Variants in EIF3E observed in about 807,000 individuals in gnomAD.
EIF3E encodes eukaryotic translation initiation factor 3 subunit E.
A neutral mutation model predicts 59.3 loss-of-function variants in EIF3E; 25 were observed. That is an observed-to-expected ratio of 0.42 (90% CI 0.31 to 0.59). EIF3E has a LOEUF of 0.59. Ranked by LOEUF, EIF3E falls within the 20% of genes least tolerant of loss-of-function variation. The probability of loss-of-function intolerance (pLI) is 0.15; values close to 1 mark genes in which losing one functional copy is unlikely to be tolerated. For missense variants in EIF3E, 317 were observed against 534.3 expected, an observed-to-expected ratio of 0.59 and a Z score of 4.01; for synonymous variants, 176 against 170.2, an observed-to-expected ratio of 1.03 and a Z score of -0.26.
intron 3 of EIF3E, among the ~76,000 whole-genome samples, chr8:108,239,723 A>G (rs932707983): frequency 6.6e-6 from 1 of 152,214 alleles, no homozygotes; most frequent in African/African-American, 2.4e-5. Flanking sequence ...CTGTAGTATA[A>G]TCAGTATAGA....
intron 7 of EIF3E, among the ~76,000 whole-genome samples, chr8:108,225,795 A>C (rs557156028): frequency 1.3e-5 from 2 of 151,552 alleles, no homozygotes; most frequent in Non-Finnish European, 2.9e-5. Flanking sequence ...GAAAGCAGGC[A>C]TGAAAACCCA....
At chr8:108,210,407 G>A (rs1456052802) in intron 10 of EIF3E, among the ~76,000 whole-genome samples, 2 of 152,110 alleles carry the variant, frequency 1.3e-5, no homozygotes, top group South Asian at 2.1e-4. Flanking sequence ...TTCTCCAGAT[G>A]ATTTCAATGT....
intron 1 of EIF3E, among the ~76,000 whole-genome samples, chr8:108,247,517 G>A (rs1054727901): frequency 2.6e-5 from 4 of 152,180 alleles, no homozygotes; most frequent in African/African-American, 9.6e-5. Flanking sequence ...GTTACCTAAC[G>A]TCAACAACTT....
chr8:108,231,291 A>C (rs1815616948), intron 5 of EIF3E, among the ~76,000 whole-genome samples: 1 of 152,136 alleles, frequency 6.6e-6, no homozygotes, highest in African/African-American at 2.4e-5. Context: ...TAAAACCAAA[A>C]ACCCAGTAAA....
At chr8:108,227,569 T>C (rs895998915) in intron 7 of EIF3E, 1 of 152,072 alleles carries the variant, frequency 6.6e-6, no homozygotes, top group African/African-American at 2.4e-5. Context: ...AAAAAGGCAA[T>C]CAAAATACTA....
At chr8:108,205,663 T>C (rs1815086690) in intron 10 of EIF3E, among the ~76,000 whole-genome samples, 1 of 152,202 alleles carries the variant, frequency 6.6e-6, no homozygotes, top group African/African-American at 2.4e-5. Flanking sequence ...CACCTAGGAC[T>C]TGAATCATCC....
intron 7 of EIF3E, among the ~76,000 whole-genome samples, chr8:108,225,780 T>C (rs1815505125): frequency 6.6e-6 from 1 of 151,498 alleles, no homozygotes; most frequent in Non-Finnish European, 1.5e-5. Flanking sequence ...CACAACAGAC[T>C]GCAAGAAAGC....
rs1815575129 is a variant in EIF3E at position 108,229,162 on chromosome 8, G to A, written c.505C>T (p.Leu169Phe). The A allele has an allele frequency of 1.9e-6, 3 of 1,613,502 alleles. No homozygotes were observed. Among genetic ancestry groups the A allele is most frequent in the East Asian group, 2.2e-5 (1 of 44,828 alleles). Residue 169 changes from leucine to phenylalanine, a missense_variant, in exon 6 of 13, where the codon CTC becomes TTC. This residue lies in a region of EIF3E where 242 missense variants were observed against 398.0 expected (regional missense o/e 0.61). Transcript: ENST00000220849. ...PATDRNALSS[L>F]WGKLASEILM... ...ATTTCAGAGGCCAGCTTTCCCCAGA[G>A]TGAACTTAAAGCATTTCTATCTGTT...
chr8:108,245,704 C>G (rs772504230), intron 1 of EIF3E, among the ~76,000 whole-genome samples: 2 of 152,136 alleles, frequency 1.3e-5, no homozygotes, highest in African/African-American at 2.4e-5. Flanking sequence ...ACTATCTGGC[C>G]TTCTGCTTCA....
intron 11 of EIF3E, 140 bp downstream of exon 11, chr8:108,203,261 G>A (rs1815029923): frequency 7.9e-7 from 1 of 1,269,420 alleles, no homozygotes; most frequent in Non-Finnish European, 1.1e-6. Flanking sequence ...AAAAATAGGA[G>A]GCTTCTGTTG....
intron 2 of EIF3E, among the ~76,000 whole-genome samples, chr8:108,240,302 C>T (rs1815810524): frequency 6.6e-6 from 1 of 152,166 alleles, no homozygotes; most frequent in Non-Finnish European, 1.5e-5. Context: ...CCTCTTCCTA[C>T]TCTTGAGGGA....
At position 108,234,988 on chromosome 8, in the gene EIF3E, T is replaced by A; in HGVS notation, c.471+10A>T. ...AAAAAAAAAAAAAAAAAACATGTAC[T>A]TATACTTACCAGCACTCTAAAAAAA... On this transcript the variant is annotated intron_variant, in intron 5 of 12. Coordinates refer to ENST00000220849, the MANE Select transcript of EIF3E (RefSeq NM_001568.3). 1 of 1,414,584 alleles carries A rather than the reference T, an allele frequency of 7.1e-7. No individual in the cohort carries two copies. The highest frequency in any genetic ancestry group is 9.8e-7 in the Non-Finnish European group (1 of 1,024,866). The allele number at this position is 1,414,584 out of a possible 1,614,324, so 87.6% of individuals were successfully genotyped here.
chr8:108,208,956 G>A (rs1224778374), intron 10 of EIF3E, among the ~76,000 whole-genome samples: 1 of 152,012 alleles, frequency 6.6e-6, no homozygotes, highest in East Asian at 1.9e-4. Context: ...AAACAGATTT[G>A]TAACTTATCC....
chr8:108,245,106 C>T (rs751270380), intron 1 of EIF3E, among the ~76,000 whole-genome samples: 7 of 151,536 alleles, frequency 4.6e-5, no homozygotes, highest in Non-Finnish European at 7.4e-5. Flanking sequence ...TACCTTACTC[C>T]TCAAAACCCT....
chr8:108,220,048 C>A (rs187826192), intron 7 of EIF3E, among the ~76,000 whole-genome samples: 4 of 151,510 alleles, frequency 2.6e-5, no homozygotes, highest in Admixed American at 2.6e-4. Flanking sequence ...GAGGCTGAGG[C>A]AAGAGAATCA....
intron 4 of EIF3E, among the ~76,000 whole-genome samples, chr8:108,235,479 C>G (rs1159581831): frequency 6.6e-6 from 1 of 152,218 alleles, no homozygotes; most frequent in Non-Finnish European, 1.5e-5. Flanking sequence ...AATCTAATGC[C>G]TCCACTGATC....
In EIF3E at chr8:108,211,729, T is replaced by C. The variant is rs1467511216; in HGVS notation, c.1061+2878A>G. The stretch of plus-strand genomic sequence containing the variant: ...AAACTGGTTACCTAATGCAGTGGTT[T>C]TGGATTCTGGCTGTGCTTCGGAATA... On this transcript the variant is annotated intron_variant, in intron 10 of 12. Coordinates refer to ENST00000220849, the MANE Select transcript of EIF3E (RefSeq NM_001568.3). Among the ~76,000 whole-genome samples, 6 of 152,198 alleles carry C rather than the reference T, an allele frequency of 3.9e-5. No individual in the cohort carries two copies. In the East Asian group the frequency reaches 9.6e-4, roughly 24 times the overall value.
At chr8:108,222,849 T>TTA (rs1554599579) in intron 7 of EIF3E, among the ~76,000 whole-genome samples, 14 of 144,432 alleles carry the variant, frequency 9.7e-5, no homozygotes, top group South Asian at 2.2e-4. Context: ...TTTTTTTTTT[T>TTA]AAATAACAGA....
chr8:108,226,494 C>A (rs1386790941), intron 7 of EIF3E, among the ~76,000 whole-genome samples: 1 of 152,166 alleles, frequency 6.6e-6, no homozygotes, highest in Non-Finnish European at 1.5e-5. Flanking sequence ...CTGCGCCCGG[C>A]CTACATTCAA....
Sources: gnomAD v4.1 joint callset for allele counts (sites outside exome capture counted in the v4.1 genomes callset) on GRCh38, gnomAD v4.1.1 for gene constraint, gnomAD v4.1.1 regional missense constraint, MANE v1.5 for transcripts, NCBI Gene and HGNC (gene_info 2026-07-23, HGNC 2026-07-21) for gene names.